Variants in SOX5 observed in about 807,000 individuals in gnomAD.
The protein encoded by SOX5 is transcription factor SOX-5.
In SOX5, 9 loss-of-function variants were observed where a neutral mutation model predicts 92.0. That is an observed-to-expected ratio of 0.10 (90% CI 0.06 to 0.17). SOX5 has a LOEUF of 0.17. Ranked by LOEUF, SOX5 falls within the 10% of genes least tolerant of loss-of-function variation. The pLI is 1.00. For synonymous variants in SOX5, 344 were observed against 336.3 expected (o/e 1.02, Z -0.25); for missense variants, 642 against 944.5 (o/e 0.68, Z 4.20).
chr12:24,226,870 GAATGAATGAATGAATA>G (rs1048084283), intron 3 of SOX5, among the ~76,000 whole-genome samples: 3 of 118,382 alleles, frequency 2.5e-5, no homozygotes, highest in Admixed American at 9.0e-5. Context: ...ATGAATGAAT[GAATGAATGAATGAATA>G]AATCTACTGG....
intron 1 of SOX5, among the ~76,000 whole-genome samples, chr12:23,903,427 T>A (rs1166625517): frequency 6.6e-6 from 1 of 152,046 alleles, no homozygotes; most frequent in Non-Finnish European, 1.5e-5. Flanking sequence ...TATAAAAAAA[T>A]TTCAAAATTA....
intron 6 of SOX5, among the ~76,000 whole-genome samples, chr12:23,718,400 T>A (rs1322098351): frequency 6.6e-6 from 1 of 152,220 alleles, no homozygotes; most frequent in East Asian, 1.9e-4. Context: ...ACACTTCCTA[T>A]CTTAATCTTT....
intron 1 of SOX5, among the ~76,000 whole-genome samples, chr12:24,502,254 T>A (rs568313587): frequency 6.6e-6 from 1 of 152,124 alleles, no homozygotes; most frequent in Non-Finnish European, 1.5e-5. Flanking sequence ...CAACAATGGG[T>A]CAGGGATAAT....
At chr12:24,510,455 G>T (rs1742391286) in intron 1 of SOX5, among the ~76,000 whole-genome samples, 1 of 152,164 alleles carries the variant, frequency 6.6e-6, no homozygotes, top group African/African-American at 2.4e-5. Context: ...GCCCCCAAAT[G>T]CTGGTTAAGA....
chr12:24,253,674 A>T (rs1366101953), intron 3 of SOX5, among the ~76,000 whole-genome samples: 1 of 152,154 alleles, frequency 6.6e-6, no homozygotes, highest in Admixed American at 6.5e-5. Context: ...GTAAAGTGAA[A>T]ATTTTAAGAC....
At chr12:23,960,138 A>T (rs1591814494) in intron 4 of SOX5, among the ~76,000 whole-genome samples, 1 of 152,124 alleles carries the variant, frequency 6.6e-6, no homozygotes, top group Non-Finnish European at 1.5e-5. Flanking sequence ...TTGGAGAGAA[A>T]CGGACCCCAG....
At chr12:24,242,791 G>A (rs568563979) in intron 3 of SOX5, among the ~76,000 whole-genome samples, 1 of 152,236 alleles carries the variant, frequency 6.6e-6, no homozygotes, top group African/African-American at 2.4e-5. Flanking sequence ...CACTTTCTGA[G>A]GGCAATTTGG....
At position 24,408,845 on chromosome 12, in the gene SOX5, T is replaced by C. The variant is rs530716728; in HGVS notation, c.-250-40206A>G. On this transcript the variant is annotated intron_variant, in intron 1 of 4. Transcript: ENST00000446891. ...GAAACAACAGATGCTGGTGAGGCTGTTGAGAAATAGGAACGCTTTTACACT... is the reference window on the plus strand; with the variant it reads ...GAAACAACAGATGCTGGTGAGGCTGCTGAGAAATAGGAACGCTTTTACACT... Among the ~76,000 whole-genome samples, 4 of 152,290 alleles carry C rather than the reference T, an allele frequency of 2.6e-5. No individual in the cohort carries two copies. In the East Asian group the frequency reaches 7.7e-4, roughly 29 times the overall value.
chr12:24,353,341 T>C (rs1333707103), intron 2 of SOX5, among the ~76,000 whole-genome samples: 3 of 152,166 alleles, frequency 2.0e-5, no homozygotes, highest in South Asian at 2.1e-4. Flanking sequence ...AAAGAAACTA[T>C]GGAAGGGCCT....
chr12:24,465,853 G>A (rs982326703), intron 1 of SOX5, among the ~76,000 whole-genome samples: 4 of 152,222 alleles, frequency 2.6e-5, no homozygotes, highest in African/African-American at 4.8e-5. Flanking sequence ...GAGGGCTTTC[G>A]GGAGAACCTG....
At chr12:24,454,779 GTAA>G (rs1030918956) in intron 1 of SOX5, among the ~76,000 whole-genome samples, 8 of 152,070 alleles carry the variant, frequency 5.3e-5, no homozygotes, top group Non-Finnish European at 8.8e-5. Context: ...TATGTTTATG[GTAA>G]TAATAACTAA....
At chr12:24,050,343 C>T (rs979404502) in intron 4 of SOX5, among the ~76,000 whole-genome samples, 3 of 152,096 alleles carry the variant, frequency 2.0e-5, no homozygotes, top group Admixed American at 6.5e-5. Flanking sequence ...ACATACATTA[C>T]TCAGAGGATC....
At chr12:23,776,992 T>C (rs1594315193) in intron 3 of SOX5, among the ~76,000 whole-genome samples, 1 of 152,200 alleles carries the variant, frequency 6.6e-6, no homozygotes, top group Non-Finnish European at 1.5e-5. Context: ...TTGTCACTAA[T>C]AGAAGTAATT....
chr12:24,194,231 C>A (rs1956790998), intron 4 of SOX5, among the ~76,000 whole-genome samples: 1 of 152,106 alleles, frequency 6.6e-6, no homozygotes, highest in Non-Finnish European at 1.5e-5. Flanking sequence ...AATTTGGCAT[C>A]CATTTTGTAA....
chr12:23,780,664 GTGGCAA>G (rs1359634860), intron 3 of SOX5, among the ~76,000 whole-genome samples: 1 of 152,064 alleles, frequency 6.6e-6, no homozygotes. Flanking sequence ...AAAGTTTTGT[GTGGCAA>G]TCCTGGTAGG....
intron 4 of SOX5, among the ~76,000 whole-genome samples, chr12:23,745,737 T>G (rs10734729): frequency 0.76 from 114,741 of 151,728 alleles, 43,498 homozygotes; most frequent in East Asian, 0.82. Context: ...ACGGATAACA[T>G]TTGTTCTCTT....
chr12:24,284,248 C>G (rs573842981), intron 2 of SOX5, among the ~76,000 whole-genome samples: 2 of 152,124 alleles, frequency 1.3e-5, no homozygotes, highest in Admixed American at 6.6e-5. Flanking sequence ...GTCTTGCCAG[C>G]CACTCTGCTT....
At chr12:24,446,320 A>C (rs1414380843) in intron 1 of SOX5, among the ~76,000 whole-genome samples, 3 of 152,166 alleles carry the variant, frequency 2.0e-5, no homozygotes, top group African/African-American at 7.2e-5. Flanking sequence ...ATGCCTCCTG[A>C]CAAGCTGTTA....
intron 4 of SOX5, among the ~76,000 whole-genome samples, chr12:23,748,363 T>C: frequency 6.6e-6 from 1 of 152,016 alleles, no homozygotes; most frequent in East Asian, 1.9e-4. Context: ...TGTACAATTT[T>C]ATGCACAGGA....
Sources: gnomAD v4.1 joint callset for allele counts (sites outside exome capture counted in the v4.1 genomes callset) on GRCh38, gnomAD v4.1.1 for gene constraint, MANE v1.5 for transcripts, NCBI Gene and HGNC (gene_info 2026-07-23, HGNC 2026-07-21) for gene names.